CSMD3: variants seen among roughly 807,000 people sequenced by gnomAD.
The protein encoded by CSMD3 is CUB and Sushi multiple domains 3.
Under a neutral mutation model 435.2 loss-of-function variants are expected in CSMD3, and 177 were observed. That is an observed-to-expected ratio of 0.41 (90% confidence interval 0.36 to 0.46). The LOEUF is 0.46. Among genes scored for constraint, CSMD3 ranks in the 20% least tolerant of loss-of-function variants. The pLI is 0.34. For missense variants in CSMD3, 4,265 were observed against 4,504.6 expected (o/e 0.95, Z 1.52); for synonymous variants, 1,656 against 1,520.5 (o/e 1.09, Z -2.07).
At chr8:113,104,439 T>C (rs1305739872) in intron 4 of CSMD3, among the ~76,000 whole-genome samples, 5 of 152,124 alleles carry the variant, frequency 3.3e-5, no homozygotes, top group African/African-American at 1.2e-4. Context: ...TAATTAGCCA[T>C]CTTATTACAT....
chr8:112,799,003 C>A (rs1391595915), intron 13 of CSMD3, among the ~76,000 whole-genome samples: 1 of 151,334 alleles, frequency 6.6e-6, no homozygotes, highest in East Asian at 1.9e-4. Context: ...ATACAAGTTG[C>A]CGGAAAAAAA....
intron 3 of CSMD3, among the ~76,000 whole-genome samples, chr8:113,273,224 TA>T (rs1283526776): frequency 6.6e-6 from 1 of 152,048 alleles, no homozygotes; most frequent in Non-Finnish European, 1.5e-5. Context: ...TATGTGAACT[TA>T]AGTGACTTCT....
intron 1 of CSMD3, among the ~76,000 whole-genome samples, chr8:113,378,119 T>A (rs1471239015): frequency 1.3e-5 from 2 of 152,166 alleles, no homozygotes; most frequent in Non-Finnish European, 2.9e-5. Context: ...ACAGAAAACA[T>A]CATTTTCTAC....
intron 3 of CSMD3, among the ~76,000 whole-genome samples, chr8:113,254,963 C>T (rs916378773): frequency 1.1e-4 from 17 of 151,966 alleles, no homozygotes; most frequent in African/African-American, 4.1e-4. Flanking sequence ...TATACTAATA[C>T]ATTTGGAAAA....
At chr8:113,201,780 A>C (rs1306477398) in intron 3 of CSMD3, among the ~76,000 whole-genome samples, 2 of 152,110 alleles carry the variant, frequency 1.3e-5, no homozygotes, top group Non-Finnish European at 2.9e-5. Context: ...TCCCATGTAA[A>C]TCAGAGTATT....
chr8:112,275,130 C>T (rs1817910444), intron 59 of CSMD3, among the ~76,000 whole-genome samples: 1 of 151,738 alleles, frequency 6.6e-6, no homozygotes, highest in South Asian at 2.1e-4. Context: ...CTGGCACACT[C>T]ACTAGAACTT....
chr8:112,955,724 AC>A (rs2130838156), intron 7 of CSMD3, among the ~76,000 whole-genome samples: 1 of 152,010 alleles, frequency 6.6e-6, no homozygotes, highest in South Asian at 2.1e-4. Flanking sequence ...ACAGGAAATA[AC>A]TTGCTCAGTT....
chr8:112,224,826 T>C lies in CSMD3; in HGVS notation c.11069A>G (p.Glu3690Gly). The C allele has an allele frequency of 6.2e-7, 1 of 1,614,092 alleles. No individual in the cohort carries two copies. Among genetic ancestry groups the C allele is most frequent in the Admixed American group, 1.7e-5 (1 of 60,012 alleles). The part of the protein sequence containing the change: ...PMYDTNAKSV[E>G]GKAVRFDPNL... The stretch of plus-strand genomic sequence containing the variant: ...GGGATCAAATCGTACCGCCTTCCCT[T>C]CCACTGACTTTGCGTTGGTGTCATA... Residue 3690 changes from glutamate (E) to glycine (G), a missense_variant, in exon 71 of 71, where the codon GAA becomes GGA. Coordinates refer to ENST00000297405, the MANE Select transcript of CSMD3 (RefSeq NM_198123.2).
intron 30 of CSMD3, 58 bp from the exon 31 acceptor site, chr8:112,492,741 A>T (rs1820824114): frequency 1.5e-6 from 2 of 1,332,782 alleles, no homozygotes; most frequent in Admixed American, 3.4e-5. Context: ...GCACTCCGTA[A>T]TACATGGGTT....
chr8:113,063,995 CT>C (rs2088734266), intron 5 of CSMD3, among the ~76,000 whole-genome samples: 4 of 151,024 alleles, frequency 2.6e-5, no homozygotes, highest in African/African-American at 9.7e-5. Context: ...TTAGGAAAAC[CT>C]TTTAGTATAT....
intron 24 of CSMD3, among the ~76,000 whole-genome samples, chr8:112,572,857 T>C (rs1829645097): frequency 6.6e-6 from 1 of 152,102 alleles, no homozygotes; most frequent in African/African-American, 2.4e-5. Context: ...AACTAGTCTG[T>C]TTCTTATATA....
At chr8:112,771,682 CA>C (rs899193073) in intron 13 of CSMD3, among the ~76,000 whole-genome samples, 1 of 151,816 alleles carries the variant, frequency 6.6e-6, no homozygotes, top group Non-Finnish European at 1.5e-5. Flanking sequence ...AGAACCACAA[CA>C]AAAAAATAAA....
intron 13 of CSMD3, among the ~76,000 whole-genome samples, chr8:112,794,599 C>T (rs945614770): frequency 1.3e-5 from 2 of 151,862 alleles, no homozygotes; most frequent in African/African-American, 4.8e-5. Flanking sequence ...CCAGCCTGGA[C>T]TGATAACCTT....
In CSMD3 at chr8:112,587,221, A is replaced by T. The variant is rs200100772; in HGVS notation, c.3730T>A (p.Ser1244Thr). 4.4e-6 allele frequency: 7 copies of T among 1,608,300 alleles called. No homozygotes were observed. In the East Asian group the frequency reaches 1.6e-4, roughly 36 times the overall value. ...LPRCVAECGA[S>T]ATNNEGILLS... is the part of the protein sequence containing the mutation. ...AAAATTCCTTCATTATTCGTTGCAG[A>T]TGCACCACATTCAGCTGCAGGTAAA... Residue 1244 changes from serine (S) to threonine (T), a missense_variant, in exon 23 of 71, where the codon TCT becomes ACT. Ser to Thr is a moderately conservative substitution (Grantham distance 58). This residue lies in a region of CSMD3 where 3,255 missense variants were observed against 3,380.2 expected (regional missense o/e 0.96). Coordinates refer to ENST00000297405, the MANE Select transcript of CSMD3 (RefSeq NM_198123.2).
intron 31 of CSMD3, among the ~76,000 whole-genome samples, chr8:112,486,035 A>G (rs1820096944): frequency 6.6e-6 from 1 of 151,432 alleles, no homozygotes; most frequent in African/African-American, 2.4e-5. Flanking sequence ...AAGTATATCT[A>G]TATAGGCCTT....
intron 10 of CSMD3, among the ~76,000 whole-genome samples, chr8:112,875,558 T>C (rs1388239298): frequency 2.0e-5 from 3 of 152,192 alleles, no homozygotes; most frequent in Admixed American, 6.5e-5. Context: ...TGTACAGCAA[T>C]CAAACATAGG....
At chr8:112,585,037 C>T (rs1830615048) in intron 23 of CSMD3, among the ~76,000 whole-genome samples, 1 of 151,410 alleles carries the variant, frequency 6.6e-6, no homozygotes, top group African/African-American at 2.4e-5. Flanking sequence ...CTAATGGTTT[C>T]TCGTTGGATT....
intron 13 of CSMD3, among the ~76,000 whole-genome samples, chr8:112,707,969 A>G (rs2076534519): frequency 3.3e-5 from 5 of 152,124 alleles, no homozygotes; most frequent in Admixed American, 3.3e-4. Flanking sequence ...TAAAATTTAA[A>G]AAGTTGACCA....
intron 3 of CSMD3, among the ~76,000 whole-genome samples, chr8:113,215,744 A>C (rs1466855195): frequency 6.6e-6 from 1 of 151,888 alleles, no homozygotes; most frequent in African/African-American, 2.4e-5. Flanking sequence ...CTTCTGTATT[A>C]CACATTTTTG....
Sources: gnomAD v4.1 joint callset for allele counts (sites outside exome capture counted in the v4.1 genomes callset) on GRCh38, gnomAD v4.1.1 for gene constraint, gnomAD v4.1.1 regional missense constraint, MANE v1.5 for transcripts, NCBI Gene and HGNC (gene_info 2026-07-23, HGNC 2026-07-21) for gene names.